The following SMIM21 variants were observed in gnomAD, a reference collection of about 807,000 sequenced individuals.
The protein encoded by SMIM21 is small integral membrane protein 21, also known as chromosome 18 open reading frame 62.
In SMIM21, 8 loss-of-function variants were observed where a neutral mutation model predicts 8.6. The observed-to-expected ratio is 0.93, with a 90% confidence interval of 0.55 to 1.68. The LOEUF (loss-of-function observed/expected upper bound fraction) is 1.68. Ranked by LOEUF, SMIM21 falls within the 40% of genes most tolerant of loss-of-function variation. SMIM21 has a pLI of 0.00. For missense variants in SMIM21, 132 were observed against 123.0 expected, an observed-to-expected ratio of 1.07 and a Z score of -0.35; for synonymous variants, 43 against 41.7, an observed-to-expected ratio of 1.03 and a Z score of -0.12.
chr18:75,418,351 T>G (rs1256662843), intron 2 of SMIM21, among the ~76,000 whole-genome samples: 2 of 152,198 alleles, frequency 1.3e-5, no homozygotes, highest in East Asian at 3.8e-4. Context: ...GGCTGAGATT[T>G]CTTGGCCTTC....
chr18:75,414,474 G>A (rs2024622688), intron 2 of SMIM21, among the ~76,000 whole-genome samples: 2 of 152,118 alleles, frequency 1.3e-5, no homozygotes, highest in Non-Finnish European at 2.9e-5. Context: ...CCACATATCA[G>A]AGGAGGAAGG....
intron 1 of SMIM21, 21 bp from the exon 2 acceptor site, chr18:75,418,937 A>T: frequency 6.5e-7 from 1 of 1,539,466 alleles, no homozygotes; most frequent in Non-Finnish European, 9.0e-7. Flanking sequence ...AAATAATTAC[A>T]GTTACTATTT....
intron 1 of SMIM21, among the ~76,000 whole-genome samples, chr18:75,421,985 G>A (rs1396977914): frequency 6.6e-6 from 1 of 152,138 alleles, no homozygotes; most frequent in Non-Finnish European, 1.5e-5. Flanking sequence ...ACTACACTTT[G>A]AGAACCAATA....
At chr18:75,416,944 G>C (rs1412054296) in intron 2 of SMIM21, 4 of 152,160 alleles carry the variant, frequency 2.6e-5, no homozygotes, top group Admixed American at 1.3e-4. Context: ...TGGTTCTTCT[G>C]TTCCACAGAG....
chr18:75,418,622 A>C (rs1016043050), intron 2 of SMIM21, among the ~76,000 whole-genome samples, 164 bp downstream of exon 2: 1 of 152,104 alleles, frequency 6.6e-6, no homozygotes, highest in Non-Finnish European at 1.5e-5. Flanking sequence ...TTTCCTTTTT[A>C]CAAAGTAATT....
intron 1 of SMIM21, among the ~76,000 whole-genome samples, chr18:75,426,410 C>T (rs907014790): frequency 7.9e-5 from 12 of 151,778 alleles, no homozygotes; most frequent in African/African-American, 2.7e-4. Flanking sequence ...CCCGGGTTCA[C>T]ACCATTCTCC....
chr18:75,412,060 T>C (rs2024590344), intron 2 of SMIM21, among the ~76,000 whole-genome samples: 2 of 152,166 alleles, frequency 1.3e-5, no homozygotes, highest in Admixed American at 1.3e-4. Flanking sequence ...GAGGGACTAG[T>C]TCTTGGCATA....
Position 75,427,685 on chromosome 18 carries a change from C to G in SMIM21, c.-122G>C. The G allele has an allele frequency of 1.0e-6, 1 of 996,688 alleles. No homozygotes were observed. The highest frequency in any genetic ancestry group is 1.4e-6 in the Non-Finnish European group (1 of 722,542). 61.7% of individuals were successfully genotyped at this position (996,688 alleles called of 1,614,324 possible). On this transcript the variant is annotated 5_prime_UTR_variant, in exon 1 of 3. Coordinates refer to ENST00000579022, the MANE Select transcript of SMIM21 (RefSeq NM_001037331.3). Reference sequence around the variant, plus strand: ...AAGGAGCTTTTCTCTTCTTTGCCAACCTTGAAGATCTGGGTATTATTTTAT... The same window carrying G: ...AAGGAGCTTTTCTCTTCTTTGCCAAGCTTGAAGATCTGGGTATTATTTTAT...
At chr18:75,414,233 A>C (rs2024619226) in intron 2 of SMIM21, among the ~76,000 whole-genome samples, 1 of 152,178 alleles carries the variant, frequency 6.6e-6, no homozygotes, top group Non-Finnish European at 1.5e-5. Flanking sequence ...TCAAAGGATA[A>C]AAATAAATTT....
intron 1 of SMIM21, among the ~76,000 whole-genome samples, chr18:75,423,133 A>G (rs1056325765): frequency 2.6e-5 from 4 of 152,204 alleles, no homozygotes; most frequent in Non-Finnish European, 4.4e-5. Flanking sequence ...TTTTCTTGCA[A>G]ATCCCCTGCC....
rs1459144881 is a variant in SMIM21 at position 75,410,803 on chromosome 18, T to C, written c.*61A>G. 6.2e-7 allele frequency: 1 copy of C among 1,603,466 alleles called. No homozygotes were observed. Among genetic ancestry groups the C allele is most frequent in the East Asian group, 2.2e-5 (1 of 44,778 alleles). ...GCAATCTGATTTCCTCTTAATTTCT[T>C]TTCATCTTGAGCAGGGGAAATCCAT... On this transcript the variant is annotated 3_prime_UTR_variant, in exon 3 of 3. Coordinates refer to ENST00000579022, the MANE Select transcript of SMIM21 (RefSeq NM_001037331.3).
intron 2 of SMIM21, chr18:75,416,564 A>T (rs1203054028): frequency 6.6e-6 from 1 of 152,202 alleles, no homozygotes; most frequent in African/African-American, 2.4e-5. Context: ...GGCTACAGAA[A>T]TGTTCCTCCA....
At chr18:75,424,484 A>G (rs2024740859) in intron 1 of SMIM21, among the ~76,000 whole-genome samples, 1 of 152,174 alleles carries the variant, frequency 6.6e-6, no homozygotes, top group Non-Finnish European at 1.5e-5. Flanking sequence ...CACACTAATA[A>G]TGTCCTTGCA....
rs553477057 is a variant in SMIM21 at position 75,418,796 on chromosome 18, T to C, written c.250A>G (p.Ile84Val). ...VSEDWKRANS[I>V]FRNFLRLKSS... Reference sequence around the variant, plus strand: ...TTATCGTTTACCTACTTTCGAAATATGCTGTTGGCCCTTTTCCAGTCTTCA... The same window carrying C: ...TTATCGTTTACCTACTTTCGAAATACGCTGTTGGCCCTTTTCCAGTCTTCA... Residue 84 changes from isoleucine to valine, a missense_variant, in exon 2 of 3, where the codon ATA becomes GTA. Physicochemically the swap from Ile to Val is conservative, Grantham distance 29. Transcript: ENST00000579022. 1.6e-5 allele frequency: 25 copies of C among 1,606,204 alleles called. No individual in the cohort carries two copies. Among genetic ancestry groups the C allele is most frequent in the Non-Finnish European group, 2.0e-5 (24 of 1,176,568 alleles).
At chr18:75,425,850 T>A (rs1409091546) in intron 1 of SMIM21, among the ~76,000 whole-genome samples, 1 of 152,080 alleles carries the variant, frequency 6.6e-6, no homozygotes, top group African/African-American at 2.4e-5. Context: ...AAATCAAGAG[T>A]TGAAGATGGA....
Position 75,410,384 on chromosome 18 carries a change from A to G in SMIM21, c.*480T>C, listed in dbSNP as rs545512376. On this transcript the variant is annotated 3_prime_UTR_variant, in exon 3 of 3. Transcript: ENST00000579022. The stretch of plus-strand genomic sequence containing the variant: ...ATCAGCTTCTCAGTTTGGTGTCAGG[A>G]TGACTTTGACAGGTTGTTAGCAACT... The G allele has an allele frequency of 6.5e-6, 1 of 154,322 alleles. No homozygotes were observed. The highest frequency in any genetic ancestry group is 6.5e-5 in the Admixed American group (1 of 15,438). The allele number at this position is 154,322 out of a possible 1,614,324, so 9.6% of individuals were successfully genotyped here. A position where few individuals can be genotyped will look rare whatever the true frequency, so the allele number is the denominator to read the frequency against.
chr18:75,416,010 G>A (rs1487181491), intron 2 of SMIM21: 1 of 152,148 alleles, frequency 6.6e-6, no homozygotes, highest in Non-Finnish European at 1.5e-5. Flanking sequence ...CAAAATCCCT[G>A]TACATATACC....
At chr18:75,417,322 A>C in intron 2 of SMIM21, 1 of 152,216 alleles carries the variant, frequency 6.6e-6, no homozygotes, top group East Asian at 1.9e-4. Context: ...TCCCAGCAAG[A>C]GAGTAGAGAG....
chr18:75,413,285 A>G (rs895231747), intron 2 of SMIM21, among the ~76,000 whole-genome samples: 11 of 152,176 alleles, frequency 7.2e-5, no homozygotes, highest in African/African-American at 1.7e-4. Flanking sequence ...CTGTCTCCGC[A>G]CTAAACCCAG....
Sources: gnomAD v4.1 joint callset for allele counts (sites outside exome capture counted in the v4.1 genomes callset) on GRCh38, gnomAD v4.1.1 for gene constraint, MANE v1.5 for transcripts, NCBI Gene and HGNC (gene_info 2026-07-23, HGNC 2026-07-21) for gene names.